Variants in BFAR observed in about 807,000 individuals in gnomAD.
BFAR encodes the protein RING finger protein 47.
In BFAR, 52 loss-of-function variants were observed where a neutral mutation model predicts 54.4. The ratio of observed to expected loss-of-function variants is 0.96; its 90% CI spans 0.77 to 1.21. BFAR has a LOEUF of 1.21. BFAR is among the 50% of genes most tolerant of loss of function. BFAR has a pLI of 0.00. For synonymous variants in BFAR, 215 were observed against 204.3 expected (o/e 1.05, Z -0.45); for missense variants, 571 against 534.0 (o/e 1.07, Z -0.68).
At chr16:14,663,440 T>C (rs1344244181) in intron 6 of BFAR, among the ~76,000 whole-genome samples, 2 of 152,076 alleles carry the variant, frequency 1.3e-5, no homozygotes, top group Non-Finnish European at 2.9e-5. Context: ...CATGCCATTC[T>C]CCTGCCTCAG....
chr16:14,666,180 C>T (rs1382228834), intron 7 of BFAR, among the ~76,000 whole-genome samples: 1 of 152,176 alleles, frequency 6.6e-6, no homozygotes, highest in South Asian at 2.1e-4. Context: ...TTCTGATGGA[C>T]CCAGGCTTGA....
At chr16:14,640,748 A>G (rs752366882) in intron 1 of BFAR, among the ~76,000 whole-genome samples, 1 of 152,164 alleles carries the variant, frequency 6.6e-6, no homozygotes, top group Non-Finnish European at 1.5e-5. Flanking sequence ...GTCGCACATT[A>G]ACACCCTCTT....
chr16:14,664,791 T>A (rs983754773), intron 6 of BFAR, 78 bp from the exon 7 acceptor site: 15 of 1,407,984 alleles, frequency 1.1e-5, no homozygotes, highest in Non-Finnish European at 1.4e-5. Flanking sequence ...TGAGCCACCG[T>A]GCCTAGCCTG....
rs1481793635 is a variant in BFAR at position 14,664,968 on chromosome 16, G to A, written c.1057G>A (p.Glu353Lys). 3 of 1,613,804 alleles carry A rather than the reference G, an allele frequency of 1.9e-6. No individual in the cohort carries two copies. Among genetic ancestry groups the A allele is most frequent in the Non-Finnish European group, 1.7e-6 (2 of 1,179,754 alleles). ...TGCTGAGTTTGCTTGGGACTGGTTGGAGGTCCATTACTGGACATCACGGTT... is the reference window on the plus strand; with the variant it reads ...TGCTGAGTTTGCTTGGGACTGGTTGAAGGTCCATTACTGGACATCACGGTT... ...LIAEFAWDWL[E>K]VHYWTSRFLI... The change falls in exon 7 of 8, where the codon GAG becomes AAG. Residue 353 changes from glutamate (E) to lysine (K), a missense_variant. Coordinates refer to ENST00000261658, the MANE Select transcript of BFAR (RefSeq NM_016561.3).
intron 4 of BFAR, among the ~76,000 whole-genome samples, chr16:14,651,396 G>A (rs1022464647): frequency 6.6e-6 from 1 of 152,202 alleles, no homozygotes; most frequent in South Asian, 2.1e-4. Context: ...GAGCTTCCAT[G>A]CTCTCCACGG....
rs765201331 is a variant in BFAR at position 14,649,952 on chromosome 16, TA to T, written c.618del (p.Leu206PhefsTer5). The T allele has an allele frequency of 6.2e-7, 1 of 1,610,788 alleles. No individual in the cohort carries two copies. The highest frequency in any genetic ancestry group is 1.3e-5 in the African/African-American group (1 of 74,794). ...PWASLYRERF[L>X]SERVNGRLLL... is the part of the protein sequence containing the mutation. Reference sequence around the variant, plus strand: ...GCATCTCTTTACAGGGAAAGGTTTTTATCTGAACGAGTAAATGGAAGGTGAG... The same window carrying T: ...GCATCTCTTTACAGGGAAAGGTTTTTTCTGAACGAGTAAATGGAAGGTGAG... On this transcript the variant is annotated frameshift_variant, in exon 4 of 8. Coordinates refer to ENST00000261658, the MANE Select transcript of BFAR (RefSeq NM_016561.3). LOFTEE classifies it high-confidence loss of function.
intron 4 of BFAR, among the ~76,000 whole-genome samples, chr16:14,652,824 GT>G (rs1960011395): frequency 6.6e-6 from 1 of 152,028 alleles, no homozygotes; most frequent in African/African-American, 2.4e-5. Context: ...CCCTAAGGGT[GT>G]TACGTATAAC....
intron 4 of BFAR, among the ~76,000 whole-genome samples, chr16:14,651,998 T>C (rs1174593919): frequency 6.6e-6 from 1 of 151,138 alleles, no homozygotes; most frequent in African/African-American, 2.4e-5. Context: ...GCGATTCTCC[T>C]GCCTCAGCCT....
rs1960092613 is a variant in BFAR at position 14,655,190 on chromosome 16, CA to C, written c.764del (p.Gln255ArgfsTer9). On this transcript the variant is annotated frameshift_variant, in exon 5 of 8. Coordinates refer to ENST00000261658, the MANE Select transcript of BFAR (RefSeq NM_016561.3). LOFTEE classifies it high-confidence loss of function. ...CAAAGCATTAGGCGTGAAGCCCCCC[CA>C]GAATCTCTGGGAATATAAGGTGAAC... ...RVKALGVKPP[Q>X]NLWEYKAVNP... 1.3e-6 allele frequency: 2 copies of C among 1,539,558 alleles called. No homozygotes were observed. The highest frequency in any genetic ancestry group is 2.1e-5 in the Admixed American group (1 of 48,530).
intron 1 of BFAR, among the ~76,000 whole-genome samples, chr16:14,636,964 A>G (rs1385470521): frequency 6.6e-6 from 1 of 152,192 alleles, no homozygotes; most frequent in African/African-American, 2.4e-5. Flanking sequence ...TTCAGAGAGC[A>G]CGGGGTTGGG....
At chr16:14,640,003 T>G (rs552125548) in intron 1 of BFAR, among the ~76,000 whole-genome samples, 2 of 151,844 alleles carry the variant, frequency 1.3e-5, no homozygotes, top group Admixed American at 6.6e-5. Context: ...TGCAGAAAAT[T>G]AGCCAGGTGT....
At chr16:14,657,555 GT>G (rs1960164252) in intron 5 of BFAR, among the ~76,000 whole-genome samples, 1 of 147,240 alleles carries the variant, frequency 6.8e-6, no homozygotes, top group Non-Finnish European at 1.5e-5. Flanking sequence ...ACCTGTTTTT[GT>G]TTTTTTGAGA....
intron 7 of BFAR, 143 bp from the exon 8 acceptor site, chr16:14,667,492 C>T (rs1216845780): frequency 1.3e-6 from 1 of 756,196 alleles, no homozygotes; most frequent in Non-Finnish European, 2.2e-6. Flanking sequence ...AGGCAGAGGT[C>T]TCAGGCACCG....
intron 3 of BFAR, among the ~76,000 whole-genome samples, chr16:14,649,594 A>G (rs1326161642): frequency 7.2e-5 from 11 of 151,976 alleles, no homozygotes; most frequent in Admixed American, 2.0e-4. Context: ...CTGCCACGCA[A>G]TCAGCAGAGA....
At chr16:14,654,351 AAT>A (rs1291575319) in intron 4 of BFAR, among the ~76,000 whole-genome samples, 2 of 151,974 alleles carry the variant, frequency 1.3e-5, no homozygotes, top group African/African-American at 4.8e-5. Flanking sequence ...CAGTTTTAAA[AAT>A]AGAGTAATAT....
chr16:14,664,520 G>C (rs1960384681), intron 6 of BFAR, among the ~76,000 whole-genome samples: 1 of 151,510 alleles, frequency 6.6e-6, no homozygotes, highest in African/African-American at 2.4e-5. Flanking sequence ...TTTTTTTTGA[G>C]ACACAGTCTC....
At chr16:14,646,134 C>G (rs945317471) in intron 2 of BFAR, among the ~76,000 whole-genome samples, 4 of 152,160 alleles carry the variant, frequency 2.6e-5, no homozygotes, top group Non-Finnish European at 5.9e-5. Flanking sequence ...TTACCACAAC[C>G]TCTCCCTCTC....
At chr16:14,657,687 C>T (rs538886389) in intron 5 of BFAR, among the ~76,000 whole-genome samples, 11 of 152,182 alleles carry the variant, frequency 7.2e-5, no homozygotes, top group Admixed American at 4.6e-4. Flanking sequence ...GGAATACATG[C>T]AGGTGCCACC....
At chr16:14,645,530 G>A (rs1285062034) in intron 2 of BFAR, among the ~76,000 whole-genome samples, 1 of 152,062 alleles carries the variant, frequency 6.6e-6, no homozygotes, top group Non-Finnish European at 1.5e-5. Flanking sequence ...AGGCTCTGAG[G>A]CTTAAATCCT....
Sources: gnomAD v4.1 joint callset for allele counts (sites outside exome capture counted in the v4.1 genomes callset) on GRCh38, gnomAD v4.1.1 for gene constraint, MANE v1.5 for transcripts, NCBI Gene and HGNC (gene_info 2026-07-23, HGNC 2026-07-21) for gene names.